The following OTUD7A variants were observed in gnomAD, a reference collection of about 807,000 sequenced individuals.
OTUD7A encodes OTU domain-containing protein 7A.
Under a neutral mutation model 65.7 loss-of-function variants are expected in OTUD7A, and 12 were observed. The observed-to-expected ratio is 0.18, with a 90% CI of 0.12 to 0.30. The LOEUF is 0.30. Ranked by LOEUF, OTUD7A falls within the 10% of genes least tolerant of loss-of-function variation. OTUD7A has a pLI of 1.00. For missense variants in OTUD7A, 1,148 were observed against 1,304.8 expected (o/e 0.88, Z 1.85); for synonymous variants, 641 against 586.3 (o/e 1.09, Z -1.35).
intron 5 of OTUD7A, among the ~76,000 whole-genome samples, chr15:31,549,349 A>T (rs1190807155): frequency 6.6e-6 from 1 of 152,144 alleles, no homozygotes; most frequent in Admixed American, 6.5e-5. Context: ...AAGTAATGAC[A>T]CTGTATCTGT....
In OTUD7A at chr15:31,726,286, G is replaced by A. The variant is rs192160643; in HGVS notation, c.-99-69209C>T. On this transcript the variant is annotated intron_variant, in intron 1 of 12. Coordinates refer to ENST00000307050, the MANE Select transcript of OTUD7A (RefSeq NM_001382637.1). ...TCCTGGATAGTTCCTACATGACTCT[G>A]GACTCTTGAAACTGAATTTAAGCAT... Among the ~76,000 whole-genome samples the A allele has an allele frequency of 1.6e-3, 240 of 151,802 alleles. 3 individuals carry two copies. The highest frequency in any genetic ancestry group is 6.2e-4 in the Non-Finnish European group (42 of 67,962).
chr15:31,483,949 G>C lies in OTUD7A; in HGVS notation c.2147C>G (p.Ala716Gly). 1 of 1,120,062 alleles carries C rather than the reference G, an allele frequency of 8.9e-7. No individual in the cohort carries two copies. The highest frequency in any genetic ancestry group is 1.1e-6 in the Non-Finnish European group (1 of 908,276). 69.4% of individuals were successfully genotyped at this position (1,120,062 alleles called of 1,614,324 possible). A position where few individuals can be genotyped will look rare whatever the true frequency, so the allele number is the denominator to read the frequency against. ...ETEGVPVPERASPGPPTQLVL... is the reference protein window; with the variant it reads ...ETEGVPVPERGSPGPPTQLVL... ...CAGCTGCGTGGGTGGGCCCGGAGAG[G>C]CGCGCTCCGGGACCGGCACGCCCTC... The change falls in exon 13 of 13, where the codon GCC becomes GGC. Residue 716 changes from alanine (A) to glycine (G), a missense_variant. Ala to Gly is a moderately conservative substitution (Grantham distance 60). This residue lies in a region of OTUD7A where 842 missense variants were observed against 769.5 expected (regional missense o/e 1.09). Coordinates refer to ENST00000307050, the MANE Select transcript of OTUD7A (RefSeq NM_001382637.1).
intron 12 of OTUD7A, among the ~76,000 whole-genome samples, chr15:31,485,438 CA>C (rs949027779): frequency 1.3e-5 from 2 of 152,106 alleles, no homozygotes; most frequent in African/African-American, 4.8e-5. Flanking sequence ...CTGCGCTCAG[CA>C]AAAAAGATGT....
At chr15:31,665,614 T>G (rs760380971) in intron 1 of OTUD7A, among the ~76,000 whole-genome samples, 13 of 152,196 alleles carry the variant, frequency 8.5e-5, no homozygotes, top group Non-Finnish European at 1.8e-4. Flanking sequence ...CAAACAGTGA[T>G]AGTATGACTG....
At chr15:31,784,391 T>C (rs770707205) in intron 1 of OTUD7A, among the ~76,000 whole-genome samples, 1 of 152,232 alleles carries the variant, frequency 6.6e-6, no homozygotes, top group Non-Finnish European at 1.5e-5. Context: ...GGAGCAGATA[T>C]GAAAATCCAG....
chr15:31,671,932 C>G (rs1892494220), intron 1 of OTUD7A, among the ~76,000 whole-genome samples: 1 of 152,160 alleles, frequency 6.6e-6, no homozygotes, highest in African/African-American at 2.4e-5. Context: ...CCTCCATCCT[C>G]AAGTAGGTCC....
intron 1 of OTUD7A, among the ~76,000 whole-genome samples, chr15:31,670,295 T>A (rs370204223): frequency 1.9e-4 from 29 of 152,090 alleles, no homozygotes; most frequent in South Asian, 8.3e-4. Context: ...TGGGTATATA[T>A]AGTAATGGGA....
chr15:31,643,123 C>T (rs1891565103), intron 3 of OTUD7A, among the ~76,000 whole-genome samples: 1 of 125,412 alleles, frequency 8.0e-6, no homozygotes, highest in Admixed American at 8.3e-5. Flanking sequence ...TACATTTTTC[C>T]ACAGCTCACA....
At chr15:31,777,184 T>G (rs1895405668) in intron 1 of OTUD7A, among the ~76,000 whole-genome samples, 1 of 152,122 alleles carries the variant, frequency 6.6e-6, no homozygotes, top group Admixed American at 6.5e-5. Flanking sequence ...ACACGGTGAC[T>G]TCTCCCTGCA....
At chr15:31,812,797 G>A (rs1006800447) in intron 1 of OTUD7A, among the ~76,000 whole-genome samples, 5 of 152,164 alleles carry the variant, frequency 3.3e-5, no homozygotes, top group African/African-American at 1.2e-4. Context: ...CATCCACCAT[G>A]TGAGGAGCTT....
intron 1 of OTUD7A, among the ~76,000 whole-genome samples, chr15:31,734,167 G>T (rs1431283509): frequency 2.0e-5 from 3 of 152,146 alleles, no homozygotes; most frequent in Admixed American, 6.5e-5. Context: ...GTCACAAAAA[G>T]AATAAAATAC....
At chr15:31,702,771 G>A (rs542891303) in intron 1 of OTUD7A, among the ~76,000 whole-genome samples, 1 of 151,314 alleles carries the variant, frequency 6.6e-6, no homozygotes, top group Admixed American at 6.6e-5. Flanking sequence ...TATATGGAGA[G>A]GTAGAAGAAT....
chr15:31,652,752 G>T (rs1164127153), intron 3 of OTUD7A, among the ~76,000 whole-genome samples: 3 of 152,088 alleles, frequency 2.0e-5, no homozygotes, highest in Non-Finnish European at 4.4e-5. Context: ...TTAGGAAAAT[G>T]AAAATTAAAA....
At position 31,501,614 on chromosome 15, in the gene OTUD7A, G is replaced by A. The variant is rs74010673; in HGVS notation, c.1171+76C>T. Reference sequence around the variant, plus strand: ...GGGGGTCTCCACAATCCACCTCCCCGTGCAATGGGGTCCCTTCTGATGGCT... The same window carrying A: ...GGGGGTCTCCACAATCCACCTCCCCATGCAATGGGGTCCCTTCTGATGGCT... On this transcript the variant is annotated intron_variant, in intron 10 of 12. Transcript: ENST00000307050. 4,218 of 1,579,866 alleles carry A rather than the reference G, an allele frequency of 2.7e-3. 110 individuals carry two copies. The African/African-American group carries it at 0.051, about 19-fold the overall frequency.
At chr15:31,680,534 A>T (rs1463704346) in intron 1 of OTUD7A, among the ~76,000 whole-genome samples, 2 of 152,176 alleles carry the variant, frequency 1.3e-5, no homozygotes, top group African/African-American at 4.8e-5. Context: ...TGGGTAGAAA[A>T]CTGTCCAGAA....
rs376196943 is a variant in OTUD7A, at chr15:31,481,132, G to T, written c.*2162C>A. 43 of 152,312 alleles carry T rather than the reference G, an allele frequency of 2.8e-4. No homozygotes were observed. The highest frequency in any genetic ancestry group is 9.4e-4 in the African/African-American group (39 of 41,566). 9.4% of individuals were successfully genotyped at this position (152,312 alleles called of 1,614,324 possible). On this transcript the variant is annotated 3_prime_UTR_variant, in exon 13 of 13. Transcript: ENST00000307050. ...GAAAGAAAATATCTGAATTAGCATA[G>T]CCAGTTTTAGAAATTTCTGGTTGGC...
At chr15:31,524,875 C>T (rs969181869) in intron 8 of OTUD7A, among the ~76,000 whole-genome samples, 2 of 152,162 alleles carry the variant, frequency 1.3e-5, no homozygotes, top group African/African-American at 2.4e-5. Flanking sequence ...CCCTGTGTCC[C>T]CATTAGCATC....
At chr15:31,568,195 G>T (rs565428339) in intron 4 of OTUD7A, among the ~76,000 whole-genome samples, 1 of 152,328 alleles carries the variant, frequency 6.6e-6, no homozygotes, top group South Asian at 2.1e-4. Context: ...GAGCAGCCAT[G>T]GGGGCTGAAC....
chr15:31,685,656 C>T (rs1354580718), intron 1 of OTUD7A, among the ~76,000 whole-genome samples: 2 of 152,182 alleles, frequency 1.3e-5, no homozygotes, highest in Non-Finnish European at 2.9e-5. Context: ...GAGACTCCGT[C>T]TCAAAAAAAG....
Sources: allele counts gnomAD v4.1 joint callset (sites outside exome capture counted in the v4.1 genomes callset), GRCh38; gene constraint gnomAD v4.1.1; regional missense constraint gnomAD v4.1.1; transcripts MANE v1.5; gene names NCBI Gene and HGNC (gene_info 2026-07-23, HGNC 2026-07-21).